The following CENPP variants were observed in gnomAD, a reference collection of about 807,000 sequenced individuals.
CENPP encodes centromere protein P.
Under a neutral mutation model 35.6 loss-of-function variants are expected in CENPP, and 24 were observed. The observed-to-expected ratio is 0.67, with a 90% CI of 0.49 to 0.95. The LOEUF (loss-of-function observed/expected upper bound fraction) is 0.95. Ranked by LOEUF, CENPP falls within the 40% of genes least tolerant of loss-of-function variation. CENPP has a pLI of 0.00. For synonymous variants in CENPP, 120 were observed against 125.5 expected (o/e 0.96, Z 0.29); for missense variants, 332 against 345.3 (o/e 0.96, Z 0.31).
At chr9:92,422,776 C>T (rs1843848829) in intron 5 of CENPP, among the ~76,000 whole-genome samples, 3 of 152,176 alleles carry the variant, frequency 2.0e-5, no homozygotes, top group African/African-American at 7.2e-5. Flanking sequence ...AGGATAATTT[C>T]CCCTGTTACA....
intron 4 of CENPP, among the ~76,000 whole-genome samples, chr9:92,367,536 C>G (rs1023004761): frequency 2.0e-5 from 3 of 152,156 alleles, no homozygotes; most frequent in Admixed American, 6.5e-5. Flanking sequence ...CCCTAGAGAA[C>G]CCATTTCTTG....
chr9:92,474,483 T>C (rs1254079949), intron 5 of CENPP: 2 of 1,242,356 alleles, frequency 1.6e-6, no homozygotes, highest in East Asian at 5.5e-5. Context: ...TGGGGTTTGC[T>C]GTACTTTCCA....
chr9:92,397,828 A>G (rs1399322195), intron 5 of CENPP, among the ~76,000 whole-genome samples: 2 of 152,220 alleles, frequency 1.3e-5, no homozygotes, highest in Non-Finnish European at 2.9e-5. Context: ...CATATACAAT[A>G]TACATGCATA....
chr9:92,573,468 C>T (rs1456341735), intron 5 of CENPP, among the ~76,000 whole-genome samples: 1 of 152,180 alleles, frequency 6.6e-6, no homozygotes, highest in African/African-American at 2.4e-5. Context: ...GAAGCTTTGT[C>T]TCAGAGGGGC....
At chr9:92,330,809 C>G (rs747677511) in intron 1 of CENPP, among the ~76,000 whole-genome samples, 23 of 151,778 alleles carry the variant, frequency 1.5e-4, no homozygotes, top group Non-Finnish European at 2.4e-4. Context: ...CTGCCTCAGC[C>G]TCCTGGGTAG....
At chr9:92,362,982 T>G (rs2130837072) in intron 4 of CENPP, among the ~76,000 whole-genome samples, 1 of 152,338 alleles carries the variant, frequency 6.6e-6, no homozygotes, top group African/African-American at 2.4e-5. Context: ...CCTGAATCCA[T>G]GTGTTAATTC....
At chr9:92,415,187 G>A (rs574340979) in intron 5 of CENPP, 1 of 1,611,658 alleles carries the variant, frequency 6.2e-7, no homozygotes, top group East Asian at 2.2e-5. Flanking sequence ...AGGTCAAAGT[G>A]CCCTTCTGCT....
chr9:92,500,901 A>C lies in CENPP; in HGVS notation c.565-110413A>C. ...AGCAAGTTTGTTAAATGACAGGTACAAGTATTCCAGGCCTGGTTCCATGTG... is the reference window on the plus strand; with the variant it reads ...AGCAAGTTTGTTAAATGACAGGTACCAGTATTCCAGGCCTGGTTCCATGTG... On this transcript the variant is annotated intron_variant, in intron 5 of 7. Coordinates refer to ENST00000375587, the MANE Select transcript of CENPP (RefSeq NM_001012267.3). The C allele has an allele frequency of 1.7e-5, 27 of 1,614,202 alleles. No individual in the cohort carries two copies. Among genetic ancestry groups the C allele is most frequent in the Non-Finnish European group, 2.1e-5 (25 of 1,180,028 alleles).
chr9:92,433,507 A>T (rs1449899865), intron 5 of CENPP, among the ~76,000 whole-genome samples: 2 of 152,188 alleles, frequency 1.3e-5, no homozygotes, highest in East Asian at 3.9e-4. Flanking sequence ...CATTAGGCAG[A>T]AAGATTACGT....
intron 5 of CENPP, among the ~76,000 whole-genome samples, chr9:92,543,875 A>T (rs1849370682): frequency 6.6e-6 from 1 of 152,080 alleles, no homozygotes; most frequent in African/African-American, 2.4e-5. Context: ...TGATTTTTGT[A>T]TGTTGATTTT....
In CENPP at chr9:92,478,048, A is replaced by G. The variant is rs538085106; in HGVS notation, c.564+98189A>G. Among the ~76,000 whole-genome samples the G allele has an allele frequency of 2.6e-5, 4 of 152,356 alleles. No homozygotes were observed. The East Asian group carries it at 7.7e-4, about 29-fold the overall frequency. On this transcript the variant is annotated intron_variant, in intron 5 of 7. Transcript: ENST00000375587. The stretch of plus-strand genomic sequence containing the variant: ...TATAAAAACATATATTCACATGAAA[A>G]AAAGATTGAAATAGAATGTACAAAC...
chr9:92,371,795 T>C (rs1415349152), intron 4 of CENPP, among the ~76,000 whole-genome samples: 2 of 151,274 alleles, frequency 1.3e-5, no homozygotes, highest in Non-Finnish European at 2.9e-5. Context: ...ATTGGGTGTA[T>C]ATATATATTT....
At chr9:92,564,222 A>G (rs564508511) in intron 5 of CENPP, among the ~76,000 whole-genome samples, 38 of 152,154 alleles carry the variant, frequency 2.5e-4, no homozygotes, top group African/African-American at 8.4e-4. Context: ...CCCCATCTCT[A>G]CTAAAAACTA....
chr9:92,407,757 C>A (rs1010212550), intron 5 of CENPP, among the ~76,000 whole-genome samples: 14 of 152,138 alleles, frequency 9.2e-5, no homozygotes, highest in Non-Finnish European at 2.9e-5. Context: ...CAGGCATGCA[C>A]CACCATGCCT....
In CENPP at chr9:92,522,722, A is replaced by T. The variant is rs763373947; in HGVS notation, c.565-88592A>T. ...TGCTGAATTCCAAGCTGTCTGTTTG[A>T]TCTGTGCTTGTGTGAGGTTGAACTT... On this transcript the variant is annotated intron_variant, in intron 5 of 7. Coordinates refer to ENST00000375587, the MANE Select transcript of CENPP (RefSeq NM_001012267.3). The T allele has an allele frequency of 7.3e-5, 118 of 1,614,020 alleles. No homozygotes were observed. Among genetic ancestry groups the T allele is most frequent in the Non-Finnish European group, 9.4e-5 (111 of 1,180,024 alleles).
chr9:92,327,221 T>C (rs1398843288), intron 1 of CENPP, among the ~76,000 whole-genome samples: 1 of 152,226 alleles, frequency 6.6e-6, no homozygotes, highest in African/African-American at 2.4e-5. Context: ...ATAGTTTCTT[T>C]ACTGGCCACA....
chr9:92,482,277 T>C (rs1046509860), intron 5 of CENPP: 2 of 152,198 alleles, frequency 1.3e-5, no homozygotes, highest in Admixed American at 6.5e-5. Flanking sequence ...ACTTGTAAGA[T>C]AGACATGAAA....
intron 5 of CENPP, among the ~76,000 whole-genome samples, chr9:92,394,789 T>C (rs546658304): frequency 5.9e-5 from 9 of 151,756 alleles, no homozygotes; most frequent in Admixed American, 3.9e-4. Flanking sequence ...GTATTTTTAG[T>C]AGAGACTGGG....
chr9:92,377,519 C>T (rs1245053585), intron 4 of CENPP, among the ~76,000 whole-genome samples: 1 of 152,158 alleles, frequency 6.6e-6, no homozygotes, highest in Non-Finnish European at 1.5e-5. Flanking sequence ...GCAAGGGTAT[C>T]TTACAGTACT....
Sources: gnomAD v4.1 joint callset for allele counts (sites outside exome capture counted in the v4.1 genomes callset) on GRCh38, gnomAD v4.1.1 for gene constraint, MANE v1.5 for transcripts, NCBI Gene and HGNC (gene_info 2026-07-23, HGNC 2026-07-21) for gene names.